The following PPARG variants were observed in gnomAD, a reference collection of about 807,000 sequenced individuals.
PPARG encodes the protein peroxisome proliferator-activated receptor gamma.
PPARG carries 17 observed loss-of-function variants against 39.2 expected under a neutral mutation model. The observed-to-expected ratio is 0.43, with a 90% CI of 0.30 to 0.65. The LOEUF is 0.65. Ranked by LOEUF, PPARG falls within the 30% of genes least tolerant of loss-of-function variation. PPARG has a pLI of 0.13. For synonymous variants in PPARG, 223 were observed against 215.7 expected (o/e 1.03, Z -0.30); for missense variants, 406 against 585.9 (o/e 0.69, Z 3.17).
At chr3:12,392,829 C>G in intron 5 of PPARG, 77 bp downstream of exon 5, 1 of 1,550,190 alleles carries the variant, frequency 6.5e-7, no homozygotes, top group South Asian at 1.1e-5. Context: ...AAGCCATTGC[C>G]AAAAATGTGT....
intron 2 of PPARG, among the ~76,000 whole-genome samples, chr3:12,353,601 T>A (rs1248235972): frequency 6.6e-6 from 1 of 152,132 alleles, no homozygotes; most frequent in Non-Finnish European, 1.5e-5. Flanking sequence ...TACTGCTATT[T>A]AAGAAAAAGT....
intron 2 of PPARG, among the ~76,000 whole-genome samples, chr3:12,367,808 G>A (rs1037172004): frequency 9.9e-5 from 15 of 152,044 alleles, no homozygotes; most frequent in Admixed American, 6.5e-4. Flanking sequence ...CAGGGAGGTC[G>A]AGGCTTCAGT....
Position 12,360,736 on chromosome 3 carries a change from G to A in PPARG, c.-8-18968G>A, listed in dbSNP as rs560106794. On this transcript the variant is annotated intron_variant, in intron 2 of 7. Coordinates refer to ENST00000651735, the MANE Select transcript of PPARG (RefSeq NM_138711.6). ...GGATTCTTTTGCTTAGCATTTATTC[G>A]TGAGATTAATCACACTATTGAATGT... 3.3e-5 allele frequency among the ~76,000 whole-genome samples: 5 copies of A among 152,098 alleles called. No homozygotes were observed. In the South Asian group the frequency reaches 6.2e-4, roughly 19 times the overall value.
At chr3:12,348,529 T>TG (rs1197010733) in intron 2 of PPARG, among the ~76,000 whole-genome samples, 1 of 152,230 alleles carries the variant, frequency 6.6e-6, no homozygotes, top group African/African-American at 2.4e-5. Flanking sequence ...TCATTCCTCA[T>TG]TATCCCCATT....
intron 6 of PPARG, among the ~76,000 whole-genome samples, chr3:12,413,318 C>T (rs1029257689): frequency 9.2e-5 from 14 of 152,214 alleles, no homozygotes; most frequent in African/African-American, 2.9e-4. Context: ...AGACCAGGCC[C>T]ACCCAGGGAT....
intron 2 of PPARG, among the ~76,000 whole-genome samples, chr3:12,337,011 A>G (rs923507692): frequency 1.3e-5 from 2 of 152,246 alleles, no homozygotes; most frequent in Non-Finnish European, 2.9e-5. Flanking sequence ...TAAATGAACT[A>G]GAAGGCATAC....
At chr3:12,380,091 A>G (rs565486187) in intron 3 of PPARG, among the ~76,000 whole-genome samples, 160 bp downstream of exon 3, 3 of 152,186 alleles carry the variant, frequency 2.0e-5, no homozygotes, top group Non-Finnish European at 2.9e-5. Context: ...TTAGGTATCT[A>G]TGAAATGCCA....
chr3:12,309,301 G>A (rs146331822), intron 1 of PPARG, among the ~76,000 whole-genome samples: 40 of 152,214 alleles, frequency 2.6e-4, no homozygotes, highest in East Asian at 1.7e-3. Context: ...TGTTTTTGTC[G>A]TTTTTGTAGT....
At chr3:12,371,314 C>T (rs769671568) in intron 2 of PPARG, among the ~76,000 whole-genome samples, 5 of 152,036 alleles carry the variant, frequency 3.3e-5, no homozygotes, top group East Asian at 1.9e-4. Flanking sequence ...CCTTCTTCAC[C>T]GTTAATGTTC....
chr3:12,375,129 A>G (rs1432551802), intron 2 of PPARG, among the ~76,000 whole-genome samples: 1 of 152,084 alleles, frequency 6.6e-6, no homozygotes, highest in Non-Finnish European at 1.5e-5. Context: ...GCTCACGCCT[A>G]TATTCCCGGA....
At chr3:12,315,076 C>T (rs147848610) in intron 2 of PPARG, among the ~76,000 whole-genome samples, 162 of 152,288 alleles carry the variant, frequency 1.1e-3, no homozygotes, top group South Asian at 2.7e-3. Flanking sequence ...TTGTATCTAA[C>T]TGTAGTTTTG....
chr3:12,376,332 T>C (rs1323402088), intron 2 of PPARG, among the ~76,000 whole-genome samples: 1 of 152,158 alleles, frequency 6.6e-6, no homozygotes, highest in African/African-American at 2.4e-5. Context: ...AGTGAATTTC[T>C]TGGCAATCTG....
intron 6 of PPARG, among the ~76,000 whole-genome samples, chr3:12,416,492 A>C (rs2051060555): frequency 6.6e-6 from 1 of 152,266 alleles, no homozygotes; most frequent in Non-Finnish European, 1.5e-5. Flanking sequence ...GAAGGGAAAG[A>C]AGACCAAAAT....
At position 12,416,806 on chromosome 3, in the gene PPARG, C is replaced by T. The variant is rs1176746892; in HGVS notation, c.832C>T (p.Arg278Cys). ...LQEQSKEVAIRIFQGCQFRSV... is the reference protein window; with the variant it reads ...LQEQSKEVAICIFQGCQFRSV... ...GGAGCAGAGCAAAGAGGTGGCCATC[C>T]GCATCTTTCAGGGCTGCCAGTTTCG... Residue 278 changes from arginine to cysteine, a missense_variant, in exon 7 of 8, where the codon CGC becomes TGC. This residue lies in a region of PPARG where 275 missense variants were observed against 458.0 expected (regional missense o/e 0.60). Coordinates refer to ENST00000651735, the MANE Select transcript of PPARG (RefSeq NM_138711.6). 9 of 1,614,096 alleles carry T rather than the reference C, an allele frequency of 5.6e-6. No individual in the cohort carries two copies. The highest frequency in any genetic ancestry group is 2.2e-5 in the East Asian group (1 of 44,874).
chr3:12,307,796 C>T (rs547972615), intron 1 of PPARG, among the ~76,000 whole-genome samples: 1 of 152,116 alleles, frequency 6.6e-6, no homozygotes, highest in Non-Finnish European at 1.5e-5. Flanking sequence ...TTTTGAAAGA[C>T]CCCGGTAAAG....
chr3:12,309,373 C>T (rs2124983570), intron 1 of PPARG, among the ~76,000 whole-genome samples: 1 of 152,116 alleles, frequency 6.6e-6, no homozygotes, highest in Admixed American at 6.5e-5. Context: ...AATATTAAAT[C>T]CTCTTTGCCT....
At chr3:12,351,480 G>A (rs987160256) in intron 2 of PPARG, 2 of 783,888 alleles carry the variant, frequency 2.6e-6, no homozygotes, top group Non-Finnish European at 2.2e-6. Context: ...TGACTCATGG[G>A]TGTATTCACA....
At chr3:12,348,011 C>T (rs2048376082) in intron 2 of PPARG, among the ~76,000 whole-genome samples, 1 of 152,158 alleles carries the variant, frequency 6.6e-6, no homozygotes, top group Non-Finnish European at 1.5e-5. Context: ...CCAATACTAA[C>T]ATAGCTTATT....
At chr3:12,340,254 A>G (rs2048145174) in intron 2 of PPARG, among the ~76,000 whole-genome samples, 1 of 152,220 alleles carries the variant, frequency 6.6e-6, no homozygotes, top group African/African-American at 2.4e-5. Flanking sequence ...ATTCCCAAGT[A>G]ACAATTAAGC....
Sources: allele counts gnomAD v4.1 joint callset (sites outside exome capture counted in the v4.1 genomes callset), GRCh38; gene constraint gnomAD v4.1.1; regional missense constraint gnomAD v4.1.1; transcripts MANE v1.5; gene names NCBI Gene and HGNC (gene_info 2026-07-23, HGNC 2026-07-21).